Variants in TBC1D22A observed in about 807,000 individuals in gnomAD.
The protein encoded by TBC1D22A is putative GTPase activator.
TBC1D22A carries 38 observed loss-of-function variants against 60.2 expected under a neutral mutation model. That is an observed-to-expected ratio of 0.63 (90% CI 0.49 to 0.83). TBC1D22A has a LOEUF of 0.83. Ranked by LOEUF, TBC1D22A falls within the 40% of genes least tolerant of loss-of-function variation. The pLI is 0.00. For synonymous variants in TBC1D22A, 302 were observed against 281.7 expected (o/e 1.07, Z -0.72); for missense variants, 628 against 701.0 (o/e 0.90, Z 1.18).
chr22:46,999,361 G>T (rs910218442), intron 10 of TBC1D22A, among the ~76,000 whole-genome samples: 2 of 152,172 alleles, frequency 1.3e-5, no homozygotes, highest in African/African-American at 2.4e-5. Context: ...TTTGTTTAAA[G>T]GATCAGTGCT....
intron 12 of TBC1D22A, among the ~76,000 whole-genome samples, chr22:47,163,025 C>T (rs927425671): frequency 5.9e-5 from 9 of 152,240 alleles, no homozygotes; most frequent in Non-Finnish European, 1.3e-4. Context: ...CCTTTGGCCC[C>T]GGAGACCAAA....
chr22:46,994,172 G>C (rs2075042233), intron 9 of TBC1D22A, among the ~76,000 whole-genome samples: 1 of 152,040 alleles, frequency 6.6e-6, no homozygotes. Flanking sequence ...CCTGGGTTTT[G>C]AACAAATTGA....
intron 8 of TBC1D22A, among the ~76,000 whole-genome samples, chr22:46,921,683 C>T (rs963674834): frequency 1.3e-5 from 2 of 151,840 alleles, no homozygotes; most frequent in Admixed American, 1.3e-4. Context: ...TCCATAGTGG[C>T]TGAACTATTT....
At chr22:46,875,859 C>T (rs2067535169) in intron 4 of TBC1D22A, among the ~76,000 whole-genome samples, 1 of 152,128 alleles carries the variant, frequency 6.6e-6, no homozygotes, top group Non-Finnish European at 1.5e-5. Context: ...AGTATTGTGT[C>T]CAGCACTTAA....
intron 2 of TBC1D22A, among the ~76,000 whole-genome samples, chr22:46,793,127 C>T (rs941216999): frequency 2.0e-5 from 3 of 152,238 alleles, no homozygotes; most frequent in African/African-American, 7.2e-5. Context: ...ATACCACAGG[C>T]CTGCACCCTG....
At chr22:47,154,295 C>A (rs576408941) in intron 12 of TBC1D22A, among the ~76,000 whole-genome samples, 3 of 152,230 alleles carry the variant, frequency 2.0e-5, no homozygotes, top group Non-Finnish European at 4.4e-5. Flanking sequence ...CCCTGCCACG[C>A]GCTGAGTGAG....
Position 46,788,172 on chromosome 22 carries a change from G to A in TBC1D22A, c.63-4348G>A, listed in dbSNP as rs553538537. Among the ~76,000 whole-genome samples the A allele has an allele frequency of 4.1e-3, 619 of 152,062 alleles. 5 individuals are homozygous for A. Among genetic ancestry groups the A allele is most frequent in the Non-Finnish European group, 4.2e-3 (288 of 67,988 alleles). ...AGGACGGTCTCGATCTCCAGACCTCGTGATCCACCCGCCTCGGCCTCCCAA... is the reference window on the plus strand; with the variant it reads ...AGGACGGTCTCGATCTCCAGACCTCATGATCCACCCGCCTCGGCCTCCCAA... On this transcript the variant is annotated intron_variant, in intron 1 of 12. Transcript: ENST00000337137.
intron 12 of TBC1D22A, among the ~76,000 whole-genome samples, chr22:47,152,567 G>A (rs1365355881): frequency 6.6e-6 from 1 of 152,262 alleles, no homozygotes; most frequent in Non-Finnish European, 1.5e-5. Flanking sequence ...TGACGAGGCT[G>A]TCGCAGTTGC....
intron 10 of TBC1D22A, among the ~76,000 whole-genome samples, chr22:47,013,331 A>G (rs1390850965): frequency 1.3e-5 from 2 of 151,590 alleles, no homozygotes; most frequent in African/African-American, 4.8e-5. Flanking sequence ...CCTTGTGATG[A>G]TATCTTTGTG....
At chr22:47,125,249 C>G (rs1365670883) in intron 12 of TBC1D22A, among the ~76,000 whole-genome samples, 1 of 152,206 alleles carries the variant, frequency 6.6e-6, no homozygotes, top group Non-Finnish European at 1.5e-5. Context: ...GGGCGACCGT[C>G]CCCGGAGAGC....
intron 4 of TBC1D22A, among the ~76,000 whole-genome samples, chr22:46,848,582 C>G (rs571869144): frequency 2.3e-4 from 35 of 152,318 alleles, no homozygotes; most frequent in African/African-American, 8.4e-4. Context: ...GACAGGAATC[C>G]AGGTAGGCTC....
chr22:47,172,648 T>C (rs2337244), intron 12 of TBC1D22A, among the ~76,000 whole-genome samples: 125,340 of 152,210 alleles, frequency 0.82, 51,778 homozygotes, highest in East Asian at 0.99. Context: ...GTAACTGGAA[T>C]TAATTTTTAA....
intron 8 of TBC1D22A, among the ~76,000 whole-genome samples, chr22:46,945,406 A>G (rs1166723223): frequency 6.6e-6 from 1 of 152,222 alleles, no homozygotes; most frequent in African/African-American, 2.4e-5. Flanking sequence ...GAAGCTTTTA[A>G]AGAACTTTCC....
Position 47,008,903 on chromosome 22 carries a change from C to T in TBC1D22A, c.1201+11194C>T, listed in dbSNP as rs910843899. Reference sequence around the variant, plus strand: ...CTATGTTTTGGTGGCTGAGTGACAGCGAAAATGCCAGGCCAGGAGCAACAA... The same window carrying T: ...CTATGTTTTGGTGGCTGAGTGACAGTGAAAATGCCAGGCCAGGAGCAACAA... On this transcript the variant is annotated intron_variant, in intron 10 of 12. Transcript: ENST00000337137. Among the ~76,000 whole-genome samples, 7 of 151,594 alleles carry T rather than the reference C, an allele frequency of 4.6e-5. 1 individual carries two copies. Among genetic ancestry groups the T allele is most frequent in the Non-Finnish European group, 7.4e-5 (5 of 68,000 alleles).
chr22:46,797,665 T>C lies in TBC1D22A; in HGVS notation c.637+45T>C, dbSNP rs1253372803. 5 of 1,532,140 alleles carry C rather than the reference T, an allele frequency of 3.3e-6. No homozygotes were observed. In the South Asian group the frequency reaches 3.6e-5, roughly 11 times the overall value. The allele number at this position is 1,532,140 out of a possible 1,614,324, so 94.9% of individuals were successfully genotyped here. On this transcript the variant is annotated intron_variant, in intron 4 of 12. Transcript: ENST00000337137. ...GAGGACACACACAGACATTTCTTGC[T>C]GTTTCTGAAATAGATCACATCTTAA...
chr22:47,173,495 C>T lies in TBC1D22A; in HGVS notation c.1426-3C>T, dbSNP rs2068574182. The T allele has an allele frequency of 1.2e-6, 2 of 1,613,926 alleles. No homozygotes were observed. The highest frequency in any genetic ancestry group is 1.7e-6 in the Non-Finnish European group (2 of 1,179,918). ...TGACCTGGGCTTGTCTCTTTCTCCCCAGGAGCTGCTGCTCTTCCTCCAGAA... is the reference window on the plus strand; with the variant it reads ...TGACCTGGGCTTGTCTCTTTCTCCCTAGGAGCTGCTGCTCTTCCTCCAGAA... On this transcript the variant is annotated splice_polypyrimidine_tract_variant and splice_region_variant and intron_variant, in intron 12 of 12. Transcript: ENST00000337137.
At chr22:46,801,138 A>T (rs759443417) in intron 4 of TBC1D22A, among the ~76,000 whole-genome samples, 2 of 152,254 alleles carry the variant, frequency 1.3e-5, no homozygotes, top group Non-Finnish European at 2.9e-5. Flanking sequence ...TTCTTTCTTT[A>T]TAATTCTATG....
chr22:46,880,343 G>A (rs552045506), intron 5 of TBC1D22A, among the ~76,000 whole-genome samples: 2 of 152,348 alleles, frequency 1.3e-5, no homozygotes, highest in East Asian at 1.9e-4. Context: ...ATCTGTCTCA[G>A]TGAGCAGAGG....
intron 5 of TBC1D22A, among the ~76,000 whole-genome samples, chr22:46,883,756 C>T (rs2067969102): frequency 6.6e-6 from 1 of 152,254 alleles, no homozygotes; most frequent in Non-Finnish European, 1.5e-5. Flanking sequence ...GCCTTCTCTC[C>T]TGGCTGCTGC....
Sources: gnomAD v4.1 joint callset for allele counts (sites outside exome capture counted in the v4.1 genomes callset) on GRCh38, gnomAD v4.1.1 for gene constraint, MANE v1.5 for transcripts, NCBI Gene and HGNC (gene_info 2026-07-23, HGNC 2026-07-21) for gene names.